Variants in KMO observed in about 807,000 individuals in gnomAD.
KMO encodes the protein kynurenine 3-monooxygenase.
A neutral mutation model predicts 57.8 loss-of-function variants in KMO; 24 were observed. The ratio of observed to expected loss-of-function variants is 0.42; its 90% confidence interval spans 0.30 to 0.58. The LOEUF (loss-of-function observed/expected upper bound fraction) is 0.58. Among genes scored for constraint, KMO ranks in the 20% least tolerant of loss-of-function variants. KMO has a pLI of 0.22. For synonymous variants in KMO, 210 were observed against 193.6 expected (o/e 1.08, Z -0.70); for missense variants, 483 against 588.2 (o/e 0.82, Z 1.85).
intron 10 of KMO, among the ~76,000 whole-genome samples, chr1:241,569,732 C>T (rs1662208923): frequency 6.6e-6 from 1 of 152,100 alleles, no homozygotes; most frequent in African/African-American, 2.4e-5. Flanking sequence ...GAGGAACCTC[C>T]ATGCTGTTTT....
chr1:241,540,908 A>T (rs970641842), intron 1 of KMO, among the ~76,000 whole-genome samples: 1 of 152,046 alleles, frequency 6.6e-6, no homozygotes, highest in African/African-American at 2.4e-5. Context: ...TACAAAAATT[A>T]AAAAAATTAG....
chr1:241,594,257 T>C lies in KMO; in HGVS notation c.*2104T>C. On this transcript the variant is annotated 3_prime_UTR_variant, in exon 15 of 15. Coordinates refer to ENST00000366559, the MANE Select transcript of KMO (RefSeq NM_003679.5). ...CCCGTTGAATTAAAAGAATTTGTTT[T>C]TGTTCAACCTCTTCCTGAGGCCCAA... 1.5e-6 allele frequency: 1 copy of C among 651,436 alleles called. No homozygotes were observed. 40.4% of individuals were successfully genotyped at this position (651,436 alleles called of 1,614,324 possible).
Position 241,562,473 on chromosome 1 carries a change from T to C in KMO, c.615+141T>C. ...CAAGAACTTTGTAATGAAGAATAAA[T>C]GGGATGCATGGGTATCTTTTTAACA... On this transcript the variant is annotated intron_variant, in intron 7 of 14. Coordinates refer to ENST00000366559, the MANE Select transcript of KMO (RefSeq NM_003679.5). 3 of 739,062 alleles carry C rather than the reference T, an allele frequency of 4.1e-6. No individual in the cohort carries two copies. The South Asian group carries it at 5.2e-5, about 13-fold the overall frequency. The allele number at this position is 739,062 out of a possible 1,614,324, so 45.8% of individuals were successfully genotyped here.
At chr1:241,576,275 G>C (rs1662516004) in intron 10 of KMO, among the ~76,000 whole-genome samples, 1 of 152,026 alleles carries the variant, frequency 6.6e-6, no homozygotes, top group Non-Finnish European at 1.5e-5. Flanking sequence ...TTAGTATTGA[G>C]ATGTGAGGTG....
intron 1 of KMO, among the ~76,000 whole-genome samples, chr1:241,535,057 T>C (rs1324666912): frequency 1.3e-5 from 2 of 152,206 alleles, no homozygotes; most frequent in Non-Finnish European, 2.9e-5. Context: ...TAATTATGCC[T>C]AACATTATGT....
At chr1:241,554,227 TTTCCTTCCTTCCTTCCTTCCTTCC>T (rs59290477) in intron 4 of KMO, among the ~76,000 whole-genome samples, 38 of 132,126 alleles carry the variant, frequency 2.9e-4, no homozygotes, top group African/African-American at 6.1e-4. Context: ...AATACTTTTC[TTTCCTTCCTTCCTTCCTTCCTTCC>T]TTCCTTCCTT....
intron 9 of KMO, among the ~76,000 whole-genome samples, chr1:241,567,759 C>G (rs2147966625): frequency 6.6e-6 from 1 of 152,334 alleles, no homozygotes; most frequent in East Asian, 1.9e-4. Flanking sequence ...ATGGATCCCA[C>G]CTTCTCCAGC....
rs749999472 is a variant in KMO, at chr1:241,560,660, C to T, written c.362-5C>T. The T allele has an allele frequency of 1.1e-5, 18 of 1,603,562 alleles. No individual in the cohort carries two copies. In the South Asian group the frequency reaches 1.8e-4, roughly 16 times the overall value. Reference sequence around the variant, plus strand: ...TTCTGTTTGCCTCTTTCTCCATTTCCTCAGCTGCTGAGAAATACCCCAATG... The same window carrying T: ...TTCTGTTTGCCTCTTTCTCCATTTCTTCAGCTGCTGAGAAATACCCCAATG... On this transcript the variant is annotated splice_region_variant and splice_polypyrimidine_tract_variant and intron_variant, in intron 5 of 14. Coordinates refer to ENST00000366559, the MANE Select transcript of KMO (RefSeq NM_003679.5).
Position 241,569,617 on chromosome 1 carries a change from A to C in KMO, c.957+970A>C, listed in dbSNP as rs149721957. ...TATTGTGAATAGTGCTGCAATAAAC[A>C]TGGGAGTGCAGATATCTCTTCAATA... is the stretch of plus-strand genomic sequence containing the variant. On this transcript the variant is annotated intron_variant, in intron 10 of 14. Coordinates refer to ENST00000366559, the MANE Select transcript of KMO (RefSeq NM_003679.5). Among the ~76,000 whole-genome samples, 333 of 152,268 alleles carry C rather than the reference A, an allele frequency of 2.2e-3. 1 individual carries two copies. Among genetic ancestry groups the C allele is most frequent in the African/African-American group, 7.4e-3 (309 of 41,562 alleles).
At chr1:241,561,594 G>A (rs1558420546) in intron 6 of KMO, among the ~76,000 whole-genome samples, 2 of 151,990 alleles carry the variant, frequency 1.3e-5, no homozygotes, top group Non-Finnish European at 2.9e-5. Flanking sequence ...TTTGGCATTC[G>A]GCCTTCTCTT....
At chr1:241,579,413 C>G (rs1662666524) in intron 10 of KMO, among the ~76,000 whole-genome samples, 1 of 152,064 alleles carries the variant, frequency 6.6e-6, no homozygotes, top group African/African-American at 2.4e-5. Context: ...CAGGTCCATG[C>G]AAGCAGCATT....
chr1:241,587,565 TC>T (rs1663052111), intron 11 of KMO, among the ~76,000 whole-genome samples: 1 of 152,032 alleles, frequency 6.6e-6, no homozygotes, highest in Non-Finnish European at 1.5e-5. Context: ...TGCCTCAGCC[TC>T]CAGAGTAGCT....
In KMO at chr1:241,592,654, GACTT is replaced by G. The variant is rs1285423466; in HGVS notation, c.*504_*507del. On this transcript the variant is annotated 3_prime_UTR_variant, in exon 15 of 15. Transcript: ENST00000366559. ...ATAAGGAATTCAGGGGAGTTCCAGA[GACTT>G]ACAAAATGAACTCATTTTATTTTCC... The G allele has an allele frequency of 2.0e-5, 3 of 153,760 alleles. No individual in the cohort carries two copies. Among genetic ancestry groups the G allele is most frequent in the Non-Finnish European group, 4.3e-5 (3 of 69,562 alleles). The allele number at this position is 153,760 out of a possible 1,614,324, so 9.5% of individuals were successfully genotyped here.
rs55662927 is a variant in KMO at position 241,592,112 on chromosome 1, G to A, written c.1420G>A (p.Val474Met). Residue 474 changes from valine to methionine, a missense_variant, in exon 15 of 15, where the codon GTG becomes ATG. By Grantham distance (21) the Val-to-Met change is conservative. Transcript: ENST00000366559. Reference protein sequence around the residue: ...RNTTCFPAKAVDSLEQISNLI... With the variant: ...RNTTCFPAKAMDSLEQISNLI... ...TACAACATGTTTCCCCGCAAAGGCC[G>A]TGGACTCCCTAGAACAAATTTCCAA... is the stretch of plus-strand genomic sequence containing the variant. 4,573 of 1,613,788 alleles carry A rather than the reference G, an allele frequency of 2.8e-3. 16 individuals are homozygous for A. Among genetic ancestry groups the A allele is most frequent in the Non-Finnish European group, 3.4e-3 (4,026 of 1,179,882 alleles).
At chr1:241,582,519 A>AT (rs1662791829) in intron 10 of KMO, among the ~76,000 whole-genome samples, 1 of 151,656 alleles carries the variant, frequency 6.6e-6, no homozygotes, top group African/African-American at 2.4e-5. Flanking sequence ...CAGCTCACTA[A>AT]TTTTTTCTTC....
At chr1:241,562,054 A>G (rs1661863022) in intron 6 of KMO, 113 bp from the exon 7 acceptor site, 1 of 805,908 alleles carries the variant, frequency 1.2e-6, no homozygotes, top group Non-Finnish European at 1.9e-6. Flanking sequence ...CAAACATGTG[A>G]AAGTGAGCTT....
chr1:241,586,472 T>G, intron 10 of KMO: 1 of 505,300 alleles, frequency 2.0e-6, no homozygotes, highest in Non-Finnish European at 3.6e-6. Context: ...AGTGCTGGGA[T>G]TACAGGTGTG....
intron 1 of KMO, among the ~76,000 whole-genome samples, chr1:241,547,816 C>T (rs373994854): frequency 2.9e-3 from 438 of 152,154 alleles, no homozygotes; most frequent in African/African-American, 0.01. Flanking sequence ...CCAGATATTC[C>T]ACTTCCATGT....
chr1:241,532,630 TTTTG>T (rs1280795475), intron 1 of KMO, 132 bp downstream of exon 1: 4 of 618,034 alleles, frequency 6.5e-6, no homozygotes, highest in Admixed American at 6.8e-5. Flanking sequence ...AATACAGCTA[TTTTG>T]TTTATTTTTT....
Sources: gnomAD v4.1 joint callset for allele counts (sites outside exome capture counted in the v4.1 genomes callset) on GRCh38, gnomAD v4.1.1 for gene constraint, MANE v1.5 for transcripts, NCBI Gene and HGNC (gene_info 2026-07-23, HGNC 2026-07-21) for gene names.